LRP2: variants seen among roughly 807,000 people sequenced by gnomAD.
The protein encoded by LRP2 is LDL receptor related protein 2, also known as low-density lipoprotein receptor-related protein 2.
Under a neutral mutation model 531.0 loss-of-function variants are expected in LRP2, and 172 were observed. The observed-to-expected ratio is 0.32, with a 90% CI of 0.29 to 0.37. LRP2 has a LOEUF of 0.37. LRP2 is among the 10% of genes least tolerant of loss of function. The pLI, the probability that LRP2 is intolerant of heterozygous loss-of-function variation, is 1.00. For synonymous variants in LRP2, 1,992 were observed against 2,027.6 expected (o/e 0.98, Z 0.47); for missense variants, 5,167 against 5,868.3 (o/e 0.88, Z 3.90).
At chr2:169,357,325 T>G (rs919538776) in intron 1 of LRP2, among the ~76,000 whole-genome samples, 3 of 144,610 alleles carry the variant, frequency 2.1e-5, no homozygotes, top group African/African-American at 7.9e-5. Flanking sequence ...TTTTATTTTA[T>G]TTTATTTTAT....
At chr2:169,207,272 A>T in intron 38 of LRP2, 22 bp from the exon 39 acceptor site, 2 of 1,535,982 alleles carry the variant, frequency 1.3e-6, no homozygotes, top group Non-Finnish European at 1.8e-6. Context: ...ATGAAAGTGC[A>T]TGCTGATCAA....
intron 38 of LRP2, among the ~76,000 whole-genome samples, chr2:169,208,891 T>A (rs1031569446): frequency 1.3e-5 from 2 of 152,266 alleles, no homozygotes; most frequent in East Asian, 3.9e-4. Context: ...AGATGAGTGA[T>A]AAAAATGAGG....
intron 76 of LRP2, among the ~76,000 whole-genome samples, chr2:169,136,626 C>G (rs185737957): frequency 6.7e-6 from 1 of 150,316 alleles, no homozygotes; most frequent in Non-Finnish European, 1.5e-5. Flanking sequence ...AACTCCCCCC[C>G]ACTGAGCACC....
intron 37 of LRP2, among the ~76,000 whole-genome samples, chr2:169,210,890 T>TAC (rs562210555): frequency 2.2e-3 from 337 of 152,142 alleles, no homozygotes; most frequent in South Asian, 7.7e-3. Context: ...CATATGCATG[T>TAC]ACACACACAC....
chr2:169,282,996 CA>C lies in LRP2; in HGVS notation c.1047del (p.Phe349LeufsTer57). ...NHNDSRTCVE[F>X]DDCQIWGICD... ...CAAATTCCCCATATCTGGCAATCATCAAACTCTGCCATATGGAAAATACACA... is the reference window on the plus strand; with the variant it reads ...CAAATTCCCCATATCTGGCAATCATCAACTCTGCCATATGGAAAATACACA... On this transcript the variant is annotated frameshift_variant, in exon 10 of 79. Transcript: ENST00000649046. LOFTEE classifies it high-confidence loss of function. The C allele has an allele frequency of 6.2e-7, 1 of 1,614,030 alleles. No individual in the cohort carries two copies. The highest frequency in any genetic ancestry group is 8.5e-7 in the Non-Finnish European group (1 of 1,179,910).
Position 169,213,673 on chromosome 2 carries a change from T to C in LRP2, c.6024A>G (p.Gln2008=), listed in dbSNP as rs748594932. The change falls in exon 36 of 79, where the codon CAA becomes CAG. Residue 2008 remains glutamine (Q), a synonymous_variant. Transcript: ENST00000649046. The stretch of plus-strand genomic sequence containing the variant: ...AATACTTACTGCGTCTGTGATAAAC[T>C]TGAAGACCCCTCAGATTTGGAACAT... ...RDNVPNLRGL[Q]VYHRRNAAES... is the part of the protein sequence containing the mutation. The C allele has an allele frequency of 6.2e-7, 1 of 1,612,936 alleles. No homozygotes were observed. The highest frequency in any genetic ancestry group is 8.5e-7 in the Non-Finnish European group (1 of 1,179,726).
intron 1 of LRP2, among the ~76,000 whole-genome samples, chr2:169,345,633 T>C (rs1685675076): frequency 6.6e-6 from 1 of 151,966 alleles, no homozygotes; most frequent in Non-Finnish European, 1.5e-5. Flanking sequence ...CACACAGCAA[T>C]TTTAGCCTAT....
chr2:169,146,511 AT>A (rs550127178), intron 69 of LRP2, among the ~76,000 whole-genome samples: 170 of 151,516 alleles, frequency 1.1e-3, no homozygotes, highest in African/African-American at 3.3e-3. Context: ...GCTGAGAAGC[AT>A]TTTTTTTTAA....
intron 10 of LRP2, among the ~76,000 whole-genome samples, chr2:169,282,064 A>T (rs771435100): frequency 1.3e-5 from 2 of 152,224 alleles, no homozygotes; most frequent in African/African-American, 2.4e-5. Context: ...TATGTTACCT[A>T]TGCAAAAATA....
rs147220480 is a variant in LRP2, at chr2:169,222,797, A to C, written c.5539-2234T>G. Among the ~76,000 whole-genome samples, 13 of 152,262 alleles carry C rather than the reference A, an allele frequency of 8.5e-5. No individual in the cohort carries two copies. The East Asian group carries it at 2.5e-3, about 29-fold the overall frequency. ...TATTGTGCTGTACTCACATATTCTC[A>C]GGCCACTGCAGGTAACTGAAACCTC... On this transcript the variant is annotated intron_variant, in intron 33 of 78. Transcript: ENST00000649046.
intron 36 of LRP2, 36 bp from the exon 37 acceptor site, chr2:169,212,243 C>T (rs1688621211): frequency 6.2e-7 from 1 of 1,613,624 alleles, no homozygotes; most frequent in Non-Finnish European, 8.5e-7. Context: ...AACTTTTGAT[C>T]CTAGCTACTC....
At chr2:169,219,781 C>T (rs549876686) in intron 34 of LRP2, among the ~76,000 whole-genome samples, 1 of 151,948 alleles carries the variant, frequency 6.6e-6, no homozygotes, top group Non-Finnish European at 1.5e-5. Flanking sequence ...AACAAACCTG[C>T]ACATGTGCCC....
chr2:169,184,298 A>G (rs930006741), intron 50 of LRP2, among the ~76,000 whole-genome samples: 1 of 152,206 alleles, frequency 6.6e-6, no homozygotes, highest in East Asian at 1.9e-4. Context: ...TACAATAGGA[A>G]TGCTTAGTCA....
chr2:169,176,689 G>T, intron 53 of LRP2, 101 bp from the exon 54 acceptor site: 2 of 985,364 alleles, frequency 2.0e-6, no homozygotes, highest in Non-Finnish European at 3.1e-6. Flanking sequence ...TCACCTCTTA[G>T]TAAAAAAAAA....
intron 37 of LRP2, among the ~76,000 whole-genome samples, chr2:169,211,475 T>C (rs757454502): frequency 6.6e-6 from 1 of 152,192 alleles, no homozygotes; most frequent in Non-Finnish European, 1.5e-5. Flanking sequence ...TCACCAAATA[T>C]ATATTAATAA....
intron 4 of LRP2, among the ~76,000 whole-genome samples, chr2:169,298,827 G>C (rs1014535393): frequency 6.6e-6 from 1 of 151,526 alleles, no homozygotes. Context: ...CAAAAAACAG[G>C]CCATAAAGTT....
intron 72 of LRP2, 150 bp downstream of exon 72, chr2:169,140,305 T>C: frequency 1.4e-6 from 1 of 697,544 alleles, no homozygotes; most frequent in Non-Finnish European, 2.6e-6. Context: ...CAGTTCTCTG[T>C]AGACTCCCTC....
At chr2:169,203,719 T>C (rs1397181076) in intron 42 of LRP2, among the ~76,000 whole-genome samples, 2 of 152,194 alleles carry the variant, frequency 1.3e-5, no homozygotes, top group Non-Finnish European at 2.9e-5. Context: ...ATCCCGCCAC[T>C]GCACTCCAGC....
rs559420489 is a variant in LRP2, at chr2:169,337,280, A to G, written c.80-16396T>C. ...AATTGTGGCATTTTAGGCATTCCTA[A>G]TGCCTACATACCTTCCTCACTGGCT... is the stretch of plus-strand genomic sequence containing the variant. On this transcript the variant is annotated intron_variant, in intron 1 of 78. Transcript: ENST00000649046. Among the ~76,000 whole-genome samples the G allele has an allele frequency of 2.6e-5, 4 of 152,332 alleles. No individual in the cohort carries two copies. In the East Asian group the frequency reaches 5.8e-4, roughly 22 times the overall value.
Sources: gnomAD v4.1 joint callset for allele counts (sites outside exome capture counted in the v4.1 genomes callset) on GRCh38, gnomAD v4.1.1 for gene constraint, MANE v1.5 for transcripts, NCBI Gene and HGNC (gene_info 2026-07-23, HGNC 2026-07-21) for gene names.